Variants in MBD4 observed in about 807,000 individuals in gnomAD.
The protein encoded by MBD4 is methyl-CpG-binding domain protein 4.
Under a neutral mutation model 60.2 loss-of-function variants are expected in MBD4, and 53 were observed. The observed-to-expected ratio is 0.88, with a 90% confidence interval of 0.71 to 1.11. MBD4 has a LOEUF of 1.11. Ranked by LOEUF, MBD4 falls within the 50% of genes least tolerant of loss-of-function variation. The probability of loss-of-function intolerance (pLI) is 0.00; values close to 1 mark genes in which losing one functional copy is unlikely to be tolerated. For missense variants in MBD4, 619 were observed against 674.0 expected (o/e 0.92, Z 0.90); for synonymous variants, 231 against 229.8 (o/e 1.01, Z -0.05).
chr3:129,438,048 T>A, intron 1 of MBD4, 98 bp from the exon 2 acceptor site: 1 of 743,468 alleles, frequency 1.3e-6, no homozygotes. Flanking sequence ...ACATAGATTA[T>A]CCATATTAAA....
chr3:129,432,352 C>T (rs1577059688), intron 7 of MBD4, 151 bp downstream of exon 7: 3 of 1,536,592 alleles, frequency 2.0e-6, no homozygotes, highest in African/African-American at 1.4e-5. Flanking sequence ...AACCCCAAAA[C>T]CCACATGCCA....
intron 3 of MBD4, among the ~76,000 whole-genome samples, chr3:129,436,040 TATGTA>T (rs2072453004): frequency 6.6e-6 from 1 of 152,246 alleles, no homozygotes; most frequent in Admixed American, 6.5e-5. Flanking sequence ...TCCACTCATT[TATGTA>T]TATAAGAAGC....
In MBD4 at chr3:129,439,904, A is replaced by T; in HGVS notation, c.-71T>A. The T allele has an allele frequency of 6.5e-6, 7 of 1,076,614 alleles. No individual in the cohort carries two copies. The highest frequency in any genetic ancestry group is 9.9e-6 in the Non-Finnish European group (7 of 704,930). The allele number at this position is 1,076,614 out of a possible 1,614,324, so 66.7% of individuals were successfully genotyped here. A position where few individuals can be genotyped will look rare whatever the true frequency, so the allele number is the denominator to read the frequency against. On this transcript the variant is annotated 5_prime_UTR_variant, in exon 1 of 8. Transcript: ENST00000429544. ...AGGGTGTGGGGCGGAGTAAGATGTG[A>T]AACCTCTTCAGCTCACGGCACCGGG... is the stretch of plus-strand genomic sequence containing the variant.
At chr3:129,433,724 G>A (rs2072401259) in intron 5 of MBD4, 126 bp downstream of exon 5, 1 of 1,083,790 alleles carries the variant, frequency 9.2e-7, no homozygotes, top group African/African-American at 1.6e-5. Flanking sequence ...AGAGTTTAAG[G>A]GTGAAGGGGG....
chr3:129,436,482 G>T lies in MBD4; in HGVS notation c.1162C>A (p.Pro388Thr). ...RGSEMDNNCS[P>T]TRKDFTEDTI... The stretch of plus-strand genomic sequence containing the variant: ...TCACCAGTGAAGTCTTTCCTGGTTG[G>T]TGAGCAGTTGTTGTCCATTTCAGAG... The change falls in exon 3 of 8, where the codon CCA becomes ACA. Residue 388 changes from proline (P) to threonine (T), a missense_variant. Coordinates refer to ENST00000429544, the MANE Select transcript of MBD4 (RefSeq NM_001276270.2). 6.2e-7 allele frequency: 1 copy of T among 1,614,066 alleles called. No individual in the cohort carries two copies. The highest frequency in any genetic ancestry group is 8.5e-7 in the Non-Finnish European group (1 of 1,180,000).
At chr3:129,439,662 A>G in intron 1 of MBD4, 68 bp downstream of exon 1, 2 of 1,001,476 alleles carry the variant, frequency 2.0e-6, no homozygotes, top group South Asian at 1.4e-5. Flanking sequence ...AGGCCCACAC[A>G]CTGTCCACTC....
rs767805115 is a variant in MBD4 at position 129,434,084 on chromosome 3, A to G, written c.1236T>C (p.Phe412=). Residue 412 remains phenylalanine (F), a synonymous_variant, in exon 4 of 8, where the codon TTT becomes TTC. Coordinates refer to ENST00000429544, the MANE Select transcript of MBD4 (RefSeq NM_001276270.2). ...QIERRKTSLY[F]SSKYNKEALS... Reference sequence around the variant, plus strand: ...TACCTTCTTTGTTATATTTGCTGGAAAAATACAGGCTTGTTTTCCTTCTTT... The same window carrying G: ...TACCTTCTTTGTTATATTTGCTGGAGAAATACAGGCTTGTTTTCCTTCTTT... The G allele has an allele frequency of 1.2e-6, 2 of 1,614,154 alleles. No homozygotes were observed. The highest frequency in any genetic ancestry group is 2.2e-5 in the East Asian group (1 of 44,884).
At chr3:129,432,973 G>T in intron 6 of MBD4, 125 bp downstream of exon 6, 1 of 1,262,832 alleles carries the variant, frequency 7.9e-7, no homozygotes, top group Non-Finnish European at 1.1e-6. Context: ...TTTTTTAAAT[G>T]CCTTGGGTGC....
rs534921751 is a variant in MBD4 at position 129,431,219 on chromosome 3, A to T, written c.*282T>A. The T allele has an allele frequency of 2.2e-4, 85 of 378,230 alleles. No individual in the cohort carries two copies. The highest frequency in any genetic ancestry group is 8.2e-4 in the Middle Eastern group (1 of 1,218). 23.4% of individuals were successfully genotyped at this position (378,230 alleles called of 1,614,324 possible). ...TTGCTTTGTATTATTGATAGTTTAG[A>T]ACTATTTTTCATCTTCTGATTATAT... On this transcript the variant is annotated 3_prime_UTR_variant, in exon 8 of 8. Transcript: ENST00000429544.
chr3:129,434,512 A>T (rs560602958), intron 3 of MBD4, among the ~76,000 whole-genome samples: 3 of 152,366 alleles, frequency 2.0e-5, no homozygotes, highest in African/African-American at 7.2e-5. Flanking sequence ...GGCAGTATGG[A>T]ATATTTTAAA....
At chr3:129,438,821 C>T (rs1577071306) in intron 1 of MBD4, among the ~76,000 whole-genome samples, 1 of 151,728 alleles carries the variant, frequency 6.6e-6, no homozygotes, top group Non-Finnish European at 1.5e-5. Flanking sequence ...GTGGTCCCAG[C>T]TACTAAGGAG....
rs747720474 is a variant in MBD4 at position 129,436,754 on chromosome 3, C to G, written c.890G>C (p.Gly297Ala). 2.5e-6 allele frequency: 4 copies of G among 1,614,068 alleles called. No homozygotes were observed. The highest frequency in any genetic ancestry group is 1.3e-5 in the African/African-American group (1 of 75,020). ...TVCISDAGAC[G>A]ETLSVTSEEN... ...TTCACTGGTCACACTGAGGGTCTCA[C>G]CACATGCTCCAGCATCAGAAATGCA... The change falls in exon 3 of 8, where the codon GGT becomes GCT. Residue 297 changes from glycine (G) to alanine (A), a missense_variant. Coordinates refer to ENST00000429544, the MANE Select transcript of MBD4 (RefSeq NM_001276270.2).
rs766661298 is a variant in MBD4, at chr3:129,437,890, T to C, written c.165A>G (p.Ile55Met). 3.1e-6 allele frequency: 5 copies of C among 1,614,128 alleles called. No homozygotes were observed. The South Asian group carries it at 4.4e-5, about 14-fold the overall frequency. Residue 55 changes from isoleucine to methionine, a missense_variant, in exon 2 of 8, where the codon ATA becomes ATG. Coordinates refer to ENST00000429544, the MANE Select transcript of MBD4 (RefSeq NM_001276270.2). ...AGGGATTACATTCACTGCTTCTTTT[T>C]ATCATCATTTGTTCCTCATCTTCTC... ...RVGEDEEQMMIKRSSECNPLL... is the reference protein window; with the variant it reads ...RVGEDEEQMMMKRSSECNPLL...
chr3:129,433,613 T>C lies in MBD4; in HGVS notation c.1393+237A>G, dbSNP rs141574485. 133 of 596,588 alleles carry C rather than the reference T, an allele frequency of 2.2e-4. No individual in the cohort carries two copies. In the African/African-American group the frequency reaches 2.3e-3, roughly 10 times the overall value. The allele number at this position is 596,588 out of a possible 1,614,324, so 37.0% of individuals were successfully genotyped here. A position where few individuals can be genotyped will look rare whatever the true frequency, so the allele number is the denominator to read the frequency against. On this transcript the variant is annotated intron_variant, in intron 5 of 7. Transcript: ENST00000429544. ...TGGAGAAACGTTAACTGATTTTCACTGATGATCAAAAAGAATTTGGAAGTA... is the reference window on the plus strand; with the variant it reads ...TGGAGAAACGTTAACTGATTTTCACCGATGATCAAAAAGAATTTGGAAGTA...
At position 129,437,850 on chromosome 3, in the gene MBD4, T is replaced by C. The variant is rs576367209; in HGVS notation, c.205A>G (p.Ile69Val). 5.0e-6 allele frequency: 8 copies of C among 1,614,006 alleles called. No individual in the cohort carries two copies. Among genetic ancestry groups the C allele is most frequent in the African/African-American group, 4.0e-5 (3 of 75,060 alleles). ...SECNPLLQEP[I>V]ASAQFGATAG... ...GTAGCACCAAACTGAGCAGAAGCGATGGGTTCTTGTAGCAAGGGATTACAT... is the reference window on the plus strand; with the variant it reads ...GTAGCACCAAACTGAGCAGAAGCGACGGGTTCTTGTAGCAAGGGATTACAT... Residue 69 changes from isoleucine (I) to valine (V), a missense_variant, in exon 2 of 8, where the codon ATC (isoleucine) becomes GTC (valine). Physicochemically the swap from Ile to Val is conservative, Grantham distance 29 (BLOSUM62 3). Transcript: ENST00000429544.
intron 6 of MBD4, among the ~76,000 whole-genome samples, chr3:129,432,845 A>C (rs2072378277): frequency 6.6e-6 from 1 of 152,196 alleles, no homozygotes; most frequent in Non-Finnish European, 1.5e-5. Context: ...TGAGGTCAAG[A>C]ACTGGGCTTT....
chr3:129,439,907 C>T lies in MBD4; in HGVS notation c.-74G>A. 1 of 1,057,950 alleles carries T rather than the reference C, an allele frequency of 9.5e-7. No homozygotes were observed. The allele number at this position is 1,057,950 out of a possible 1,614,324, so 65.5% of individuals were successfully genotyped here. A position where few individuals can be genotyped will look rare whatever the true frequency, so the allele number is the denominator to read the frequency against. ...GTGTGGGGCGGAGTAAGATGTGAAA[C>T]CTCTTCAGCTCACGGCACCGGGCTG... is the stretch of plus-strand genomic sequence containing the variant. On this transcript the variant is annotated 5_prime_UTR_variant, in exon 1 of 8. Transcript: ENST00000429544.
At chr3:129,432,197 A>C (rs1483640520) in intron 7 of MBD4, 1 of 1,396,850 alleles carries the variant, frequency 7.2e-7, no homozygotes, top group Non-Finnish European at 9.3e-7. Flanking sequence ...TACTTTTGAC[A>C]GGAGGAAAAC....
intron 3 of MBD4, 89 bp from the exon 4 acceptor site, chr3:129,434,225 C>T (rs1451493867): frequency 1.0e-6 from 1 of 1,003,130 alleles, no homozygotes; most frequent in Non-Finnish European, 1.6e-6. Context: ...AACACTATTA[C>T]AAAGCATGCC....
Sources: allele counts gnomAD v4.1 joint callset (sites outside exome capture counted in the v4.1 genomes callset), GRCh38; gene constraint gnomAD v4.1.1; transcripts MANE v1.5; gene names NCBI Gene and HGNC (gene_info 2026-07-23, HGNC 2026-07-21).